Variants in NAALADL2 observed in about 807,000 individuals in gnomAD.
The protein encoded by NAALADL2 is N-acetylated alpha-linked acidic dipeptidase like 2.
In NAALADL2, 76 loss-of-function variants were observed where a neutral mutation model predicts 87.2. That is an observed-to-expected ratio of 0.87 (90% CI 0.72 to 1.05). NAALADL2 has a LOEUF of 1.05. Among genes scored for constraint, NAALADL2 ranks in the 50% least tolerant of loss-of-function variants. The pLI is 0.00. For synonymous variants in NAALADL2, 354 were observed against 331.0 expected, an observed-to-expected ratio of 1.07 and a Z score of -0.75; for missense variants, 1,089 against 945.8, an observed-to-expected ratio of 1.15 and a Z score of -1.99.
At chr3:175,054,692 A>C (rs1208724775) in intron 1 of NAALADL2, among the ~76,000 whole-genome samples, 1 of 152,206 alleles carries the variant, frequency 6.6e-6, no homozygotes, top group Non-Finnish European at 1.5e-5. Flanking sequence ...CCACTATCAA[A>C]AATGATATCT....
intron 11 of NAALADL2, among the ~76,000 whole-genome samples, chr3:175,637,986 A>G (rs1305962820): frequency 6.6e-6 from 1 of 152,222 alleles, no homozygotes; most frequent in Admixed American, 6.5e-5. Flanking sequence ...AGAATGGAGG[A>G]AGGCATAAAA....
chr3:175,769,560 T>A (rs980043922), intron 13 of NAALADL2, among the ~76,000 whole-genome samples: 2 of 152,256 alleles, frequency 1.3e-5, no homozygotes, highest in Non-Finnish European at 2.9e-5. Context: ...TCATCATGTA[T>A]TCTGTATATC....
At chr3:174,843,973 G>A (rs1173801906) in intron 3 of NAALADL2, among the ~76,000 whole-genome samples, 2 of 152,054 alleles carry the variant, frequency 1.3e-5, no homozygotes, top group Non-Finnish European at 2.9e-5. Context: ...CATTCTGCAG[G>A]TTGTCCCTTC....
chr3:175,204,076 C>A (rs1316346861), intron 2 of NAALADL2, among the ~76,000 whole-genome samples: 4 of 152,112 alleles, frequency 2.6e-5, no homozygotes, highest in Non-Finnish European at 2.9e-5. Flanking sequence ...AAAGAAGGAA[C>A]CCTCCCTAAT....
chr3:174,488,827 C>A (rs1264567070), intron 1 of NAALADL2, among the ~76,000 whole-genome samples: 2 of 151,436 alleles, frequency 1.3e-5, no homozygotes, highest in African/African-American at 2.4e-5. Flanking sequence ...GCCACAGACA[C>A]CCCCCCTAAC....
At chr3:175,024,961 A>G (rs1389616285) in intron 1 of NAALADL2, among the ~76,000 whole-genome samples, 2 of 152,152 alleles carry the variant, frequency 1.3e-5, no homozygotes, top group Non-Finnish European at 2.9e-5. Context: ...TTTATTAGAT[A>G]TAAAGGTGAG....
intron 2 of NAALADL2, among the ~76,000 whole-genome samples, chr3:175,156,032 G>T: frequency 6.6e-6 from 1 of 152,176 alleles, no homozygotes; most frequent in East Asian, 1.9e-4. Context: ...TACAGAAGAA[G>T]TTTAATGTCT....
intron 9 of NAALADL2, among the ~76,000 whole-genome samples, chr3:175,504,336 G>A (rs1174116764): frequency 1.3e-5 from 2 of 152,266 alleles, no homozygotes; most frequent in Non-Finnish European, 2.9e-5. Flanking sequence ...TGTTGCATGT[G>A]ATGACATGAA....
At chr3:174,899,886 A>AG (rs1732099899) in intron 1 of NAALADL2, among the ~76,000 whole-genome samples, 1 of 152,108 alleles carries the variant, frequency 6.6e-6, no homozygotes, top group Non-Finnish European at 1.5e-5. Context: ...AGTAAAAAAA[A>AG]AAGTTCTATT....
chr3:174,485,429 C>T (rs906865559), intron 1 of NAALADL2, among the ~76,000 whole-genome samples: 17 of 123,430 alleles, frequency 1.4e-4, no homozygotes, highest in African/African-American at 3.5e-4. Flanking sequence ...TTTTTTTTTT[C>T]GAATCTTCCT....
At chr3:174,727,135 T>C (rs1732271316) in intron 2 of NAALADL2, among the ~76,000 whole-genome samples, 1 of 152,192 alleles carries the variant, frequency 6.6e-6, no homozygotes, top group Middle Eastern at 3.4e-3. Context: ...GAGTTGTATA[T>C]AATTTTTATA....
chr3:174,544,828 G>A (rs535676966), intron 1 of NAALADL2, among the ~76,000 whole-genome samples: 35 of 151,738 alleles, frequency 2.3e-4, no homozygotes, highest in South Asian at 8.3e-4. Flanking sequence ...CTCAGCCTCC[G>A]AAAGTGCTGG....
intron 3 of NAALADL2, among the ~76,000 whole-genome samples, chr3:174,812,417 A>T (rs574860299): frequency 6.6e-6 from 1 of 152,352 alleles, no homozygotes; most frequent in East Asian, 1.9e-4. Context: ...ATTGTTAGTC[A>T]TACCAAAGTA....
chr3:174,772,046 C>G (rs1459992126), intron 3 of NAALADL2, among the ~76,000 whole-genome samples: 1 of 152,054 alleles, frequency 6.6e-6, no homozygotes, highest in Admixed American at 6.6e-5. Flanking sequence ...GTGTTTTTCT[C>G]AGGGACATTT....
At chr3:175,379,564 C>T (rs774232142) in intron 5 of NAALADL2, among the ~76,000 whole-genome samples, 1 of 150,648 alleles carries the variant, frequency 6.6e-6, no homozygotes, top group Non-Finnish European at 1.5e-5. Context: ...GATGGAGTCT[C>T]ACTCTGTCAC....
At chr3:174,729,613 A>G (rs1732516671) in intron 2 of NAALADL2, among the ~76,000 whole-genome samples, 1 of 152,076 alleles carries the variant, frequency 6.6e-6, no homozygotes, top group South Asian at 2.1e-4. Context: ...GGGTAATTAA[A>G]TATGATCCTA....
intron 1 of NAALADL2, among the ~76,000 whole-genome samples, chr3:175,060,439 C>T (rs1230224085): frequency 2.0e-5 from 3 of 152,140 alleles, no homozygotes; most frequent in Non-Finnish European, 4.4e-5. Context: ...TCAAATATCC[C>T]ACAAATGGCA....
intron 3 of NAALADL2, among the ~76,000 whole-genome samples, chr3:174,742,201 T>C (rs1366207852): frequency 6.6e-6 from 1 of 151,724 alleles, no homozygotes; most frequent in Non-Finnish European, 1.5e-5. Context: ...ATGGTGAGCC[T>C]ATTATGTGTT....
chr3:174,848,371 T>C (rs1724872612), intron 3 of NAALADL2, among the ~76,000 whole-genome samples: 1 of 152,206 alleles, frequency 6.6e-6, no homozygotes, highest in African/African-American at 2.4e-5. Context: ...TTATAAGTGA[T>C]ATTCTCCAAC....
Sources: gnomAD v4.1 joint callset for allele counts (sites outside exome capture counted in the v4.1 genomes callset) on GRCh38, gnomAD v4.1.1 for gene constraint, MANE v1.5 for transcripts, NCBI Gene and HGNC (gene_info 2026-07-23, HGNC 2026-07-21) for gene names.